C1orf21: variants seen among roughly 807,000 people sequenced by gnomAD.
C1orf21 encodes uncharacterized protein C1orf21.
Under a neutral mutation model 18.7 loss-of-function variants are expected in C1orf21, and 3 were observed. The ratio of observed to expected loss-of-function variants is 0.16; its 90% CI spans 0.07 to 0.42. C1orf21 has a LOEUF of 0.42. C1orf21 is among the 10% of genes least tolerant of loss of function. C1orf21 has a pLI of 0.99. For synonymous variants in C1orf21, 41 were observed against 46.4 expected, an observed-to-expected ratio of 0.88 and a Z score of 0.47; for missense variants, 104 against 143.6, an observed-to-expected ratio of 0.72 and a Z score of 1.41.
chr1:184,443,285 G>A (rs1656976258), intron 1 of C1orf21, among the ~76,000 whole-genome samples: 1 of 152,146 alleles, frequency 6.6e-6, no homozygotes, highest in Admixed American at 6.5e-5. Flanking sequence ...TGTAATGTAA[G>A]ATCTCACCCA....
chr1:184,500,061 C>T (rs1317716064), intron 2 of C1orf21, among the ~76,000 whole-genome samples: 1 of 152,172 alleles, frequency 6.6e-6, no homozygotes, highest in Admixed American at 6.5e-5. Context: ...CGTGTCTTCC[C>T]TTTCTGGAAG....
chr1:184,502,289 G>A (rs1351598989), intron 2 of C1orf21, among the ~76,000 whole-genome samples: 1 of 152,194 alleles, frequency 6.6e-6, no homozygotes, highest in Non-Finnish European at 1.5e-5. Context: ...AAAGCAAGCA[G>A]GCTAAATTCA....
intron 1 of C1orf21, among the ~76,000 whole-genome samples, chr1:184,468,412 G>T (rs1326415838): frequency 2.0e-5 from 3 of 152,078 alleles, no homozygotes; most frequent in Non-Finnish European, 4.4e-5. Context: ...GGGGAAAAAA[G>T]GAGGAAGGTG....
chr1:184,420,542 C>T (rs1192162000), intron 1 of C1orf21, among the ~76,000 whole-genome samples: 1 of 152,084 alleles, frequency 6.6e-6, no homozygotes, highest in Admixed American at 6.6e-5. Context: ...GCTAAGGTGT[C>T]TAATTTTAGA....
intron 1 of C1orf21, among the ~76,000 whole-genome samples, chr1:184,463,082 C>CAAAAA (rs397982231): frequency 8.2e-4 from 66 of 80,178 alleles, no homozygotes; most frequent in African/African-American, 1.2e-3. Flanking sequence ...GACTCCATCT[C>CAAAAA]AAAAAAAAAA....
At chr1:184,612,512 G>A (rs1659751223) in intron 5 of C1orf21, among the ~76,000 whole-genome samples, 1 of 152,184 alleles carries the variant, frequency 6.6e-6, no homozygotes, top group African/African-American at 2.4e-5. Context: ...GATCAGCTGA[G>A]GTCAGGAGTT....
At chr1:184,467,384 A>T (rs1334771008) in intron 1 of C1orf21, among the ~76,000 whole-genome samples, 3 of 152,214 alleles carry the variant, frequency 2.0e-5, no homozygotes, top group Non-Finnish European at 1.5e-5. Flanking sequence ...TGAGGCTATG[A>T]TGAAGCAGGA....
intron 1 of C1orf21, among the ~76,000 whole-genome samples, chr1:184,401,167 T>C (rs1316882329): frequency 1.3e-5 from 2 of 151,984 alleles, no homozygotes; most frequent in African/African-American, 4.8e-5. Flanking sequence ...TTTCTTCATA[T>C]TTTTTTGCCC....
At chr1:184,588,739 G>T (rs918035011) in intron 3 of C1orf21, among the ~76,000 whole-genome samples, 10 of 152,210 alleles carry the variant, frequency 6.6e-5, no homozygotes, top group Non-Finnish European at 1.3e-4. Flanking sequence ...TCAGTGAGTG[G>T]TTATTATTGG....
At chr1:184,590,838 C>T in intron 4 of C1orf21, 23 bp downstream of exon 4, 1 of 1,592,032 alleles carries the variant, frequency 6.3e-7, no homozygotes. Flanking sequence ...TTCTGTTTTC[C>T]TTATATAGTC....
chr1:184,485,100 G>A lies in C1orf21; in HGVS notation c.94+7497G>A, dbSNP rs1657714048. The stretch of plus-strand genomic sequence containing the variant: ...TTTTTGATTGCATTCAGCGAAGATG[G>A]ATTAAAGATACCTGTGTTTGTGGAC... On this transcript the variant is annotated intron_variant, in intron 2 of 5. Transcript: ENST00000235307. Among the ~76,000 whole-genome samples, 4 of 152,152 alleles carry A rather than the reference G, an allele frequency of 2.6e-5. No homozygotes were observed. In the South Asian group the frequency reaches 8.3e-4, roughly 32 times the overall value.
intron 3 of C1orf21, among the ~76,000 whole-genome samples, chr1:184,538,501 G>A (rs543314095): frequency 8.1e-4 from 123 of 151,836 alleles, no homozygotes; most frequent in Non-Finnish European, 1.6e-3. Context: ...TGTTGCCTGT[G>A]ACTTTGGTGT....
chr1:184,440,541 T>A (rs540016111), intron 1 of C1orf21, among the ~76,000 whole-genome samples: 1 of 150,900 alleles, frequency 6.6e-6, no homozygotes, highest in East Asian at 1.9e-4. Flanking sequence ...CGTGAGCCAC[T>A]GCACCTGGCC....
intron 3 of C1orf21, among the ~76,000 whole-genome samples, chr1:184,547,076 T>C (rs1429583954): frequency 6.8e-6 from 1 of 147,378 alleles, no homozygotes; most frequent in Non-Finnish European, 1.5e-5. Flanking sequence ...TTCAGGCAGA[T>C]AAAACTGCAG....
At chr1:184,592,914 G>A (rs1379591700) in intron 4 of C1orf21, among the ~76,000 whole-genome samples, 2 of 152,130 alleles carry the variant, frequency 1.3e-5, no homozygotes, top group African/African-American at 4.8e-5. Context: ...CATTTACAAT[G>A]TCAGTGTAAT....
chr1:184,423,754 A>G (rs1268657903), intron 1 of C1orf21, among the ~76,000 whole-genome samples: 1 of 151,588 alleles, frequency 6.6e-6, no homozygotes, highest in African/African-American at 2.4e-5. Flanking sequence ...TCCCTATTTC[A>G]GTTTTTCCCT....
At chr1:184,525,492 C>T (rs534193346) in intron 3 of C1orf21, among the ~76,000 whole-genome samples, 24 of 151,932 alleles carry the variant, frequency 1.6e-4, no homozygotes, top group African/African-American at 5.3e-4. Context: ...CTTGGGGTTC[C>T]GACTGTATAA....
chr1:184,393,331 C>T (rs1656001748), intron 1 of C1orf21, among the ~76,000 whole-genome samples: 1 of 151,642 alleles, frequency 6.6e-6, no homozygotes. Flanking sequence ...TCCTACTTTG[C>T]CCCACACCTC....
chr1:184,446,183 A>T (rs934505443), intron 1 of C1orf21, among the ~76,000 whole-genome samples: 37 of 152,088 alleles, frequency 2.4e-4, no homozygotes, highest in Admixed American at 6.6e-4. Flanking sequence ...TTATTATCTC[A>T]AATGCCATCG....
Sources: gnomAD v4.1 joint callset for allele counts (sites outside exome capture counted in the v4.1 genomes callset) on GRCh38, gnomAD v4.1.1 for gene constraint, MANE v1.5 for transcripts, NCBI Gene and HGNC (gene_info 2026-07-23, HGNC 2026-07-21) for gene names.